CSMD1: variants seen among roughly 807,000 people sequenced by gnomAD.
CSMD1 encodes the protein CUB and sushi domain-containing protein 1.
CSMD1 carries 213 observed loss-of-function variants against 417.5 expected under a neutral mutation model. The observed-to-expected ratio is 0.51, with a 90% CI of 0.46 to 0.57. The LOEUF (loss-of-function observed/expected upper bound fraction) is 0.57, where lower values mean the gene tolerates loss of function less well. Among genes scored for constraint, CSMD1 ranks in the 20% least tolerant of loss-of-function variants. The pLI is 0.00. For synonymous variants in CSMD1, 2,862 were observed against 1,736.8 expected (o/e 1.65, Z -16.11); for missense variants, 6,923 against 4,529.7 (o/e 1.53, Z -15.17).
intron 12 of CSMD1, among the ~76,000 whole-genome samples, chr8:3,439,328 A>G (rs1280543111): frequency 1.5e-5 from 1 of 66,112 alleles, no homozygotes. Context: ...TTTAATATGT[A>G]TTTTTAATTT....
chr8:4,927,483 C>A (rs1338858628), intron 1 of CSMD1, among the ~76,000 whole-genome samples: 1 of 152,108 alleles, frequency 6.6e-6, no homozygotes, highest in Non-Finnish European at 1.5e-5. Context: ...CAAGTCTTTG[C>A]TTTGTAGCTT....
At chr8:4,319,323 G>A (rs188660567) in intron 3 of CSMD1, among the ~76,000 whole-genome samples, 1 of 152,016 alleles carries the variant, frequency 6.6e-6, no homozygotes, top group African/African-American at 2.4e-5. Flanking sequence ...GAATTAAAAA[G>A]TCTTAGCATA....
chr8:4,961,679 T>C (rs1323080132), intron 1 of CSMD1, among the ~76,000 whole-genome samples: 1 of 152,022 alleles, frequency 6.6e-6, no homozygotes, highest in African/African-American at 2.4e-5. Context: ...ATAGAGTAAT[T>C]TTTATTGTTT....
rs747981982 is a variant in CSMD1, at chr8:3,387,692, C to G, written c.2594-10G>C. 1.2e-5 allele frequency: 19 copies of G among 1,586,814 alleles called. No homozygotes were observed. The highest frequency in any genetic ancestry group is 5.4e-5 in the African/African-American group (4 of 74,394). ...GACTCAAGCGTCACACCTGGATGCA[C>G]AGAACGAATGCAGTCGATGAGGATC... On this transcript the variant is annotated splice_polypyrimidine_tract_variant and intron_variant, in intron 17 of 69. Transcript: ENST00000635120.
chr8:3,462,689 A>G (rs1816580776), intron 12 of CSMD1, among the ~76,000 whole-genome samples: 1 of 152,158 alleles, frequency 6.6e-6, no homozygotes. Context: ...AATAAAGTGC[A>G]CAGTAAATGC....
intron 10 of CSMD1, among the ~76,000 whole-genome samples, chr8:3,515,535 G>C (rs891709656): frequency 6.6e-6 from 1 of 152,170 alleles, no homozygotes; most frequent in African/African-American, 2.4e-5. Context: ...CTGTTCAGGA[G>C]AATGAGAAAG....
chr8:3,544,563 C>G (rs1170897463), intron 10 of CSMD1, among the ~76,000 whole-genome samples: 1 of 152,026 alleles, frequency 6.6e-6, no homozygotes, highest in Admixed American at 6.5e-5. Flanking sequence ...GCATGAGATC[C>G]AAGAACCCTC....
Position 4,461,399 on chromosome 8 carries a change from TAAAGAAGATAAAA to T in CSMD1, c.303-41347_303-41335del, listed in dbSNP as rs1298023870. Among the ~76,000 whole-genome samples, 5 of 151,534 alleles carry T rather than the reference TAAAGAAGATAAAA, an allele frequency of 3.3e-5. 1 individual carries two copies. The East Asian group carries it at 5.8e-4, about 18-fold the overall frequency. ...GGAAATTTAAAGGCATAAAGATAGG[TAAAGAAGATAAAA>T]ATATAACTATTTACAAATCACATGA... On this transcript the variant is annotated intron_variant, in intron 2 of 69. Coordinates refer to ENST00000635120, the MANE Select transcript of CSMD1 (RefSeq NM_033225.6).
intron 2 of CSMD1, among the ~76,000 whole-genome samples, chr8:4,523,549 G>A (rs962115055): frequency 1.3e-5 from 2 of 152,132 alleles, no homozygotes; most frequent in Non-Finnish European, 2.9e-5. Context: ...TCACACACAT[G>A]CAGACAGAAT....
chr8:3,330,538 T>C (rs1806824851), intron 23 of CSMD1, among the ~76,000 whole-genome samples: 1 of 152,128 alleles, frequency 6.6e-6, no homozygotes. Context: ...AAGCAGGAGC[T>C]AAATGGTGTG....
chr8:3,220,741 G>T (rs765451354), intron 28 of CSMD1, among the ~76,000 whole-genome samples: 1 of 152,140 alleles, frequency 6.6e-6, no homozygotes, highest in African/African-American at 2.4e-5. Context: ...TGAGGCAGAA[G>T]AATCGCTTGA....
At chr8:3,982,952 A>AAAAC (rs996169181) in intron 5 of CSMD1, among the ~76,000 whole-genome samples, 16 of 152,224 alleles carry the variant, frequency 1.1e-4, no homozygotes, top group East Asian at 7.7e-4. Flanking sequence ...GATGAAAAAC[A>AAAAC]AAACAAACAA....
chr8:4,891,445 C>T (rs1406022636), intron 1 of CSMD1, among the ~76,000 whole-genome samples: 2 of 152,064 alleles, frequency 1.3e-5, no homozygotes, highest in African/African-American at 4.8e-5. Flanking sequence ...TGTGTGTGAA[C>T]CTAATTTAAG....
chr8:4,021,898 C>G (rs1346386920), intron 4 of CSMD1, among the ~76,000 whole-genome samples: 1 of 151,956 alleles, frequency 6.6e-6, no homozygotes, highest in African/African-American at 2.4e-5. Context: ...GGAAAACAAA[C>G]TACCCCAGAT....
chr8:4,074,270 A>C (rs1242217473), intron 3 of CSMD1, among the ~76,000 whole-genome samples: 1 of 152,114 alleles, frequency 6.6e-6, no homozygotes, highest in African/African-American at 2.4e-5. Flanking sequence ...TCATAAAGAA[A>C]GTCATGAAAC....
intron 5 of CSMD1, among the ~76,000 whole-genome samples, chr8:3,770,399 C>A (rs752884968): frequency 6.6e-6 from 1 of 151,984 alleles, no homozygotes. Flanking sequence ...CACGGTGGTG[C>A]GTGCCTGTAA....
intron 1 of CSMD1, among the ~76,000 whole-genome samples, chr8:4,874,127 CT>C (rs1452063809): frequency 6.6e-6 from 1 of 152,068 alleles, no homozygotes; most frequent in Non-Finnish European, 1.5e-5. Context: ...ACCTCAGCTA[CT>C]GATAGATAAC....
At chr8:3,331,876 T>TA (rs1194086921) in intron 23 of CSMD1, among the ~76,000 whole-genome samples, 6 of 152,150 alleles carry the variant, frequency 3.9e-5, no homozygotes, top group African/African-American at 1.4e-4. Context: ...TATGTAAGAG[T>TA]AGAGTGTCCT....
chr8:4,271,217 A>G (rs1804573229), intron 3 of CSMD1, among the ~76,000 whole-genome samples: 1 of 152,138 alleles, frequency 6.6e-6, no homozygotes, highest in Non-Finnish European at 1.5e-5. Flanking sequence ...TATACTTGCA[A>G]TGCGATATAC....
Sources: allele counts gnomAD v4.1 joint callset (sites outside exome capture counted in the v4.1 genomes callset), GRCh38; gene constraint gnomAD v4.1.1; transcripts MANE v1.5; gene names NCBI Gene and HGNC (gene_info 2026-07-23, HGNC 2026-07-21).